The following TIMP3 variants were observed in gnomAD, a reference collection of about 807,000 sequenced individuals.
The protein encoded by TIMP3 is metalloproteinase inhibitor 3.
A neutral mutation model predicts 30.0 loss-of-function variants in TIMP3; 11 were observed. The ratio of observed to expected loss-of-function variants is 0.37; its 90% CI spans 0.23 to 0.61. The LOEUF (loss-of-function observed/expected upper bound fraction) is 0.61, where lower values mean the gene tolerates loss of function less well. TIMP3 is among the 20% of genes least tolerant of loss of function. TIMP3 has a pLI of 0.70. For synonymous variants in TIMP3, 112 were observed against 111.3 expected, an observed-to-expected ratio of 1.01 and a Z score of -0.04; for missense variants, 181 against 276.8, an observed-to-expected ratio of 0.65 and a Z score of 2.45.
intron 1 of TIMP3, among the ~76,000 whole-genome samples, chr22:32,828,676 C>T (rs1317926771): frequency 1.3e-5 from 2 of 152,178 alleles, no homozygotes; most frequent in East Asian, 1.9e-4. Flanking sequence ...GCAGTTAGAA[C>T]CAAGGTTTCC....
chr22:32,833,022 C>T (rs746662097), intron 1 of TIMP3, among the ~76,000 whole-genome samples: 1 of 152,124 alleles, frequency 6.6e-6, no homozygotes, highest in South Asian at 2.1e-4. Flanking sequence ...CGTGAGCCAC[C>T]GCGCCCAGCA....
chr22:32,826,354 G>A (rs550737070), intron 1 of TIMP3, among the ~76,000 whole-genome samples: 11 of 152,212 alleles, frequency 7.2e-5, no homozygotes, highest in Non-Finnish European at 1.3e-4. Flanking sequence ...GCTTGAACCC[G>A]GGAGGCGGAG....
At chr22:32,826,415 C>G (rs2047414219) in intron 1 of TIMP3, among the ~76,000 whole-genome samples, 1 of 151,938 alleles carries the variant, frequency 6.6e-6, no homozygotes, top group African/African-American at 2.4e-5. Context: ...GGAGACAGAG[C>G]AAACTCCGTC....
intron 1 of TIMP3, among the ~76,000 whole-genome samples, chr22:32,809,169 G>C (rs2046843781): frequency 6.6e-6 from 1 of 152,196 alleles, no homozygotes; most frequent in South Asian, 2.1e-4. Context: ...GCTGTCTCAG[G>C]CTAGGGAAGC....
rs1205570462 is a variant in TIMP3 at position 32,801,992 on chromosome 22, A to G, written c.-10A>G. The G allele has an allele frequency of 1.1e-5, 18 of 1,583,506 alleles. No homozygotes were observed. Among genetic ancestry groups the G allele is most frequent in the Non-Finnish European group, 1.5e-5 (18 of 1,171,592 alleles). On this transcript the variant is annotated 5_prime_UTR_variant, in exon 1 of 5. Transcript: ENST00000266085. The surrounding 1 kb of genome is among the most constrained non-coding windows in gnomAD (Gnocchi z 4.7). ...GAGCAGCAGCCCCGGCAGCGGCGGCAGCAGCGGCAATGACCCCTTGGCTCG... is the reference window on the plus strand; with the variant it reads ...GAGCAGCAGCCCCGGCAGCGGCGGCGGCAGCGGCAATGACCCCTTGGCTCG...
intron 1 of TIMP3, among the ~76,000 whole-genome samples, chr22:32,803,163 T>TGC (rs375662365): frequency 3.9e-5 from 6 of 152,236 alleles, no homozygotes; most frequent in Middle Eastern, 6.8e-3. Context: ...TGTGTGTGTG[T>TGC]GCACTGGGCT....
At chr22:32,857,434 A>G in intron 3 of TIMP3, 74 bp downstream of exon 3, 1 of 1,124,512 alleles carries the variant, frequency 8.9e-7, no homozygotes, top group Non-Finnish European at 1.4e-6. Flanking sequence ...AAGAACACAT[A>G]CGGAGTAGTT....
At chr22:32,821,451 C>T (rs1183151977) in intron 1 of TIMP3, among the ~76,000 whole-genome samples, 1 of 152,212 alleles carries the variant, frequency 6.6e-6, no homozygotes, top group African/African-American at 2.4e-5. Context: ...GTGTGGCCCT[C>T]ATAGCCAGAG....
chr22:32,820,594 TG>T (rs1569250540), intron 1 of TIMP3, among the ~76,000 whole-genome samples: 1 of 152,164 alleles, frequency 6.6e-6, no homozygotes, highest in Non-Finnish European at 1.5e-5. Flanking sequence ...CATGCTTAGT[TG>T]GCACATCTTG....
At chr22:32,806,970 GAATACCACAT>G (rs952763192) in intron 1 of TIMP3, among the ~76,000 whole-genome samples, 112 of 151,854 alleles carry the variant, frequency 7.4e-4, no homozygotes, top group African/African-American at 2.6e-3. Flanking sequence ...AAACATCATG[GAATACCACAT>G]AATACCACAT....
At chr22:32,803,011 C>T (rs935933299) in intron 1 of TIMP3, among the ~76,000 whole-genome samples, 7 of 152,058 alleles carry the variant, frequency 4.6e-5, no homozygotes, top group South Asian at 2.1e-4. Flanking sequence ...TGGAGGGCCC[C>T]GAGAGCATCC....
chr22:32,813,078 G>A (rs2046955992), intron 1 of TIMP3, among the ~76,000 whole-genome samples: 1 of 152,162 alleles, frequency 6.6e-6, no homozygotes, highest in East Asian at 1.9e-4. Flanking sequence ...TCCATGCCAT[G>A]TCACAAACCC....
intron 2 of TIMP3, among the ~76,000 whole-genome samples, chr22:32,851,682 C>T (rs1403594595): frequency 2.0e-5 from 3 of 152,284 alleles, no homozygotes; most frequent in Admixed American, 2.0e-4. Flanking sequence ...AAGGGCAGAT[C>T]TGATCCCCAA....
rs397690270 is a variant in TIMP3, at chr22:32,861,176, GAA to G, written c.*1811_*1812del. The G allele has an allele frequency of 1.4e-3, 200 of 143,200 alleles. 2 individuals are homozygous for G. Among genetic ancestry groups the G allele is most frequent in the African/African-American group, 3.7e-3 (146 of 39,526 alleles). The allele number at this position is 143,200 out of a possible 1,614,324, so 8.9% of individuals were successfully genotyped here. A position where few individuals can be genotyped will look rare whatever the true frequency, so the allele number is the denominator to read the frequency against. ...AGAGCTGCCAATTGAAACAGAAGAA[GAA>G]AAAAAAAAAAAGCAGCAGACAACAC... On this transcript the variant is annotated 3_prime_UTR_variant, in exon 5 of 5. Transcript: ENST00000266085.
intron 1 of TIMP3, among the ~76,000 whole-genome samples, chr22:32,819,260 AGATCCCCAG>A (rs2047170973): frequency 6.6e-6 from 1 of 152,246 alleles, no homozygotes; most frequent in South Asian, 2.1e-4. Context: ...TGCTCACTGC[AGATCCCCAG>A]GACCAAAGGT....
At chr22:32,855,098 A>T (rs979046169) in intron 2 of TIMP3, among the ~76,000 whole-genome samples, 1 of 152,220 alleles carries the variant, frequency 6.6e-6, no homozygotes, top group African/African-American at 2.4e-5. Context: ...TTCCTATTAT[A>T]AACCCTTGGG....
intron 1 of TIMP3, among the ~76,000 whole-genome samples, chr22:32,827,355 G>A (rs1252180229): frequency 1.3e-5 from 2 of 152,214 alleles, no homozygotes; most frequent in East Asian, 3.8e-4. Flanking sequence ...CTCAGGCTGG[G>A]CAGAATCTGC....
chr22:32,821,710 G>A (rs149342842), intron 1 of TIMP3, among the ~76,000 whole-genome samples: 2,488 of 152,294 alleles, frequency 0.016, 32 homozygotes, highest in Non-Finnish European at 0.023. Context: ...TCCAGGGGGT[G>A]GATTCCTGAA....
intron 1 of TIMP3, chr22:32,833,788 T>C (rs1275978870): frequency 1.0e-5 from 5 of 499,180 alleles, no homozygotes; most frequent in Non-Finnish European, 2.0e-5. Context: ...TGACAACACT[T>C]ACTTTATAGG....
Sources: gnomAD v4.1 joint callset for allele counts (sites outside exome capture counted in the v4.1 genomes callset) on GRCh38, gnomAD v4.1.1 for gene constraint, Gnocchi (gnomAD v3.1) non-coding constraint, MANE v1.5 for transcripts, NCBI Gene and HGNC (gene_info 2026-07-23, HGNC 2026-07-21) for gene names.